Variants in ASAP1 observed in about 807,000 individuals in gnomAD.
The protein encoded by ASAP1 is ArfGAP with SH3 domain, ankyrin repeat and PH domain 1.
Under a neutral mutation model 145.2 loss-of-function variants are expected in ASAP1, and 43 were observed. The ratio of observed to expected loss-of-function variants is 0.30; its 90% CI spans 0.23 to 0.38. ASAP1 has a LOEUF of 0.38. Ranked by LOEUF, ASAP1 falls within the 10% of genes least tolerant of loss-of-function variation. The pLI is 1.00. For synonymous variants in ASAP1, 546 were observed against 515.5 expected (o/e 1.06, Z -0.80); for missense variants, 1,018 against 1,355.3 (o/e 0.75, Z 3.91).
At chr8:130,157,658 G>C (rs2097660660) in intron 12 of ASAP1, among the ~76,000 whole-genome samples, 2 of 152,042 alleles carry the variant, frequency 1.3e-5, no homozygotes, top group African/African-American at 4.8e-5. Flanking sequence ...TGACCTCCTG[G>C]CTTGCTCACT....
At chr8:130,305,623 C>G (rs569199389) in intron 3 of ASAP1, among the ~76,000 whole-genome samples, 1 of 152,292 alleles carries the variant, frequency 6.6e-6, no homozygotes, top group South Asian at 2.1e-4. Context: ...ATCCTCCTCC[C>G]TCGGCCTCCC....
chr8:130,075,586 G>A (rs951478453), intron 27 of ASAP1, among the ~76,000 whole-genome samples: 3 of 152,180 alleles, frequency 2.0e-5, no homozygotes. Context: ...GCTTATAGAA[G>A]GATGGAATGA....
At chr8:130,418,457 A>T (rs1425151847) in intron 1 of ASAP1, among the ~76,000 whole-genome samples, 2 of 152,154 alleles carry the variant, frequency 1.3e-5, no homozygotes, top group Non-Finnish European at 2.9e-5. Context: ...CTGAGGCAGG[A>T]GGATCACTTG....
At chr8:130,435,541 T>C (rs748709753) in intron 1 of ASAP1, among the ~76,000 whole-genome samples, 3 of 152,218 alleles carry the variant, frequency 2.0e-5, no homozygotes, top group Non-Finnish European at 4.4e-5. Context: ...TGTTACAGAT[T>C]TCAGTTCTTT....
chr8:130,310,479 T>A (rs906292780), intron 3 of ASAP1, among the ~76,000 whole-genome samples: 5 of 152,084 alleles, frequency 3.3e-5, no homozygotes, highest in Admixed American at 6.6e-5. Context: ...GTGATAGATG[T>A]GTCATGAAGT....
intron 1 of ASAP1, among the ~76,000 whole-genome samples, chr8:130,430,013 A>G (rs971942418): frequency 1.3e-5 from 2 of 152,198 alleles, no homozygotes; most frequent in African/African-American, 2.4e-5. Flanking sequence ...TGGCCAATGG[A>G]AAGATCATCG....
intron 3 of ASAP1, among the ~76,000 whole-genome samples, chr8:130,274,049 C>G (rs1820735839): frequency 6.6e-6 from 1 of 152,154 alleles, no homozygotes; most frequent in Non-Finnish European, 1.5e-5. Flanking sequence ...CTCAGTTTCC[C>G]CATCTCCAAA....
At chr8:130,352,079 G>C (rs531106597) in intron 3 of ASAP1, among the ~76,000 whole-genome samples, 1 of 152,314 alleles carries the variant, frequency 6.6e-6, no homozygotes, top group Admixed American at 6.5e-5. Context: ...TTGTGTGTGG[G>C]AGAGAAACAT....
chr8:130,263,623 A>G (rs1432286763), intron 3 of ASAP1, among the ~76,000 whole-genome samples: 1 of 152,122 alleles, frequency 6.6e-6, no homozygotes, highest in Non-Finnish European at 1.5e-5. Flanking sequence ...TCTCTCTGTT[A>G]TTTTATTTAA....
chr8:130,258,970 C>T (rs2033059), intron 3 of ASAP1, among the ~76,000 whole-genome samples: 43,536 of 151,914 alleles, frequency 0.29, 7,312 homozygotes, highest in East Asian at 0.59. Flanking sequence ...TTTGCCCCAT[C>T]GATTCCAAAA....
At chr8:130,434,000 A>C (rs1313508837) in intron 1 of ASAP1, among the ~76,000 whole-genome samples, 1 of 152,216 alleles carries the variant, frequency 6.6e-6, no homozygotes, top group Non-Finnish European at 1.5e-5. Context: ...TATTGAACAC[A>C]GATCGCCTTG....
At chr8:130,430,527 C>T (rs1252368442) in intron 1 of ASAP1, among the ~76,000 whole-genome samples, 21 of 152,160 alleles carry the variant, frequency 1.4e-4, no homozygotes, top group Admixed American at 1.4e-3. Context: ...TTCCTCTGAC[C>T]CTGACCACCT....
intron 3 of ASAP1, among the ~76,000 whole-genome samples, chr8:130,315,648 G>A (rs1823622343): frequency 6.6e-6 from 1 of 152,172 alleles, no homozygotes; most frequent in Non-Finnish European, 1.5e-5. Context: ...TCCATTAGCA[G>A]GGTCCCCTGC....
intron 7 of ASAP1, among the ~76,000 whole-genome samples, chr8:130,186,333 CT>C (rs1814729322): frequency 6.6e-6 from 1 of 152,128 alleles, no homozygotes. Flanking sequence ...GGAAAAACTA[CT>C]TTTTTTAATC....
chr8:130,323,025 CA>C (rs1288517932), intron 3 of ASAP1, among the ~76,000 whole-genome samples: 1 of 152,186 alleles, frequency 6.6e-6, no homozygotes, highest in Non-Finnish European at 1.5e-5. Context: ...TCAGAATAGG[CA>C]ATGCAATGAA....
chr8:130,391,828 C>T (rs555928532), intron 2 of ASAP1, among the ~76,000 whole-genome samples: 1 of 152,320 alleles, frequency 6.6e-6, no homozygotes, highest in East Asian at 1.9e-4. Flanking sequence ...GCCAGAGGGA[C>T]CCCCTCCTGG....
At chr8:130,137,851 G>A (rs1484706607) in intron 13 of ASAP1, among the ~76,000 whole-genome samples, 1 of 152,204 alleles carries the variant, frequency 6.6e-6, no homozygotes. Context: ...GCCTGCCCAT[G>A]TTCAAGGTCA....
intron 3 of ASAP1, among the ~76,000 whole-genome samples, chr8:130,289,725 G>A (rs1203377597): frequency 6.6e-6 from 1 of 152,164 alleles, no homozygotes; most frequent in Non-Finnish European, 1.5e-5. Flanking sequence ...TATCTTACTT[G>A]TATCCACAAT....
At chr8:130,375,353 G>T (rs1827433808) in intron 2 of ASAP1, among the ~76,000 whole-genome samples, 1 of 152,006 alleles carries the variant, frequency 6.6e-6, no homozygotes, top group Non-Finnish European at 1.5e-5. Context: ...CAAGGGGTCT[G>T]GCTATGGTTA....
Sources: allele counts gnomAD v4.1 joint callset (sites outside exome capture counted in the v4.1 genomes callset), GRCh38; gene constraint gnomAD v4.1.1; transcripts MANE v1.5; gene names NCBI Gene and HGNC (gene_info 2026-07-23, HGNC 2026-07-21).